MED14: variants seen among roughly 807,000 people sequenced by gnomAD.
MED14 encodes mediator of RNA polymerase II transcription subunit 14.
Under a neutral mutation model 109.0 loss-of-function variants are expected in MED14, and 8 were observed. The ratio of observed to expected loss-of-function variants is 0.07; its 90% CI spans 0.04 to 0.13. The LOEUF is 0.13. Among genes scored for constraint, MED14 ranks in the 10% least tolerant of loss-of-function variants. The pLI, the probability that MED14 is intolerant of heterozygous loss-of-function variation, is 1.00. For synonymous variants in MED14, 399 were observed against 408.7 expected, an observed-to-expected ratio of 0.98 and a Z score of 0.29; for missense variants, 711 against 1,142.4, an observed-to-expected ratio of 0.62 and a Z score of 5.44.
At chrX:40,682,812 G>C in intron 17 of MED14, 24 bp downstream of exon 17, 1 of 1,208,714 alleles carries the variant, frequency 8.3e-7, no homozygotes, top group Non-Finnish European at 1.1e-6. Flanking sequence ...AATATGCAAA[G>C]ACAAAATGTG....
At chrX:40,717,829 T>C (rs1478744464) in intron 3 of MED14, among the ~76,000 whole-genome samples, 1 of 112,623 alleles carries the variant, frequency 8.9e-6, no homozygotes, top group Non-Finnish European at 1.9e-5. Flanking sequence ...GGCCATCTTC[T>C]AGTTCTATTC....
intron 12 of MED14, 79 bp from the exon 13 acceptor site, chrX:40,697,262 A>G: frequency 1.8e-6 from 1 of 560,799 alleles, no homozygotes; most frequent in Non-Finnish European, 2.8e-6. Context: ...CAAATGATTA[A>G]AGACCATTAA....
intron 23 of MED14, among the ~76,000 whole-genome samples, chrX:40,668,928 AAG>A (rs1455593657): frequency 8.9e-6 from 1 of 111,928 alleles, no homozygotes; most frequent in African/African-American, 3.3e-5. Flanking sequence ...GGAGAGCAAT[AAG>A]AGGGGGGACT....
At chrX:40,682,506 T>C (rs1416041976) in intron 18 of MED14, 97 bp downstream of exon 18, 13 of 693,555 alleles carry the variant, frequency 1.9e-5, no homozygotes, top group Non-Finnish European at 2.7e-5. Context: ...TTTGATTTTT[T>C]TGCTTGGAAC....
chrX:40,682,741 G>A lies in MED14; in HGVS notation c.2227C>T (p.Arg743Trp). Residue 743 changes from arginine (R) to tryptophan (W), a missense_variant, in exon 18 of 31, where the codon CGG becomes TGG. By Grantham distance (101) the Arg-to-Trp change is moderately radical. This residue lies in a region of MED14 where 388 missense variants were observed against 517.3 expected (regional missense o/e 0.75). Coordinates refer to ENST00000324817, the MANE Select transcript of MED14 (RefSeq NM_004229.4). The stretch of plus-strand genomic sequence containing the variant: ...TTTTCATATGTCAGGTAAACGTGCC[G>A]GGATGGTCCTACAGGATTAAAAGAG... ...GTSTREQGPS[R>W]HVYLTYENLL... is the part of the protein sequence containing the mutation. 1.9e-5 allele frequency: 23 copies of A among 1,207,309 alleles called. No homozygotes were observed. Among genetic ancestry groups the A allele is most frequent in the Non-Finnish European group, 2.6e-5 (23 of 892,559 alleles).
intron 1 of MED14, among the ~76,000 whole-genome samples, chrX:40,734,060 T>C (rs1377618278): frequency 2.7e-5 from 3 of 112,180 alleles, no homozygotes; most frequent in Non-Finnish European, 5.6e-5. Flanking sequence ...ACACCACCGA[T>C]AGCAGCAGTT....
At chrX:40,681,411 G>GA (rs201882286) in intron 19 of MED14, among the ~76,000 whole-genome samples, 4 of 110,201 alleles carry the variant, frequency 3.6e-5, no homozygotes, top group Non-Finnish European at 5.7e-5. Context: ...TATGAGGTGG[G>GA]AAAAAAAATA....
chrX:40,686,916 A>G (rs1278805917), intron 16 of MED14, among the ~76,000 whole-genome samples: 1 of 110,555 alleles, frequency 9.0e-6, no homozygotes, highest in Non-Finnish European at 1.9e-5. Flanking sequence ...CATGTACCAC[A>G]TTAGCTTTAC....
intron 28 of MED14, among the ~76,000 whole-genome samples, chrX:40,657,277 T>A (rs1929085497): frequency 8.9e-6 from 1 of 111,756 alleles, no homozygotes; most frequent in Admixed American, 9.5e-5. Flanking sequence ...ATGAATATGA[T>A]CTTATCTGAA....
intron 3 of MED14, among the ~76,000 whole-genome samples, chrX:40,716,496 G>C (rs1931525522): frequency 9.2e-6 from 1 of 108,252 alleles, no homozygotes; most frequent in African/African-American, 3.4e-5. Context: ...ACAGCTACTA[G>C]GGAGGATCAC....
chrX:40,723,408 G>A (rs1931785604), intron 3 of MED14, among the ~76,000 whole-genome samples: 1 of 111,170 alleles, frequency 9.0e-6, no homozygotes, highest in Non-Finnish European at 1.9e-5. Flanking sequence ...GCTCACGCCT[G>A]TAATCCCAGC....
intron 15 of MED14, 85 bp downstream of exon 15, chrX:40,692,098 A>C: frequency 1.1e-6 from 1 of 892,174 alleles, no homozygotes; most frequent in Non-Finnish European, 1.6e-6. Context: ...TGCTTTTCCT[A>C]ATGGAATCTA....
In MED14 at chrX:40,697,110, G is replaced by A; in HGVS notation, c.1564C>T (p.Leu522Phe). Residue 522 changes from leucine (L) to phenylalanine (F), a missense_variant, in exon 13 of 31, where the codon CTT (leucine) becomes TTT (phenylalanine). This residue lies in a region of MED14 where 388 missense variants were observed against 517.3 expected (regional missense o/e 0.75). Coordinates refer to ENST00000324817, the MANE Select transcript of MED14 (RefSeq NM_004229.4). ...ATAGGATGAGTTGAGTAATTGGAAA[G>A]CTGCAATGTTTCACTGCTTATCGTA... ...LPTISSETLQ[L>F]SNYSTHPIGN... 1.7e-6 allele frequency: 2 copies of A among 1,192,900 alleles called. No individual in the cohort carries two copies. The highest frequency in any genetic ancestry group is 2.3e-6 in the Non-Finnish European group (2 of 878,503).
Position 40,682,601 on chromosome X carries a change from A to G in MED14, c.2365+2T>C. ...TAAAAAGGAGATTATCTCCACACGT[A>G]CCTGGTAGAGAACGTGCAAATTCCA... On this transcript the variant is annotated splice_donor_variant, in intron 18 of 30. Transcript: ENST00000324817. LOFTEE classifies it high-confidence loss of function. The G allele has an allele frequency of 8.6e-7, 1 of 1,159,565 alleles. No homozygotes were observed. Among genetic ancestry groups the G allele is most frequent in the South Asian group, 2.0e-5 (1 of 51,099 alleles).
rs932037585 is a variant in MED14 at position 40,692,435 on chromosome X, T to G, written c.1846-118A>C. 59 of 581,638 alleles carry G rather than the reference T, an allele frequency of 1.0e-4. No homozygotes were observed. In the Middle Eastern group the frequency reaches 3.0e-3, roughly 30 times the overall value. The allele number at this position is 581,638 out of a possible 1,213,427, so 47.9% of individuals were successfully genotyped here. A position where few individuals can be genotyped will look rare whatever the true frequency, so the allele number is the denominator to read the frequency against. ...GCTCAGGGTTAACCAAAACAAATGT[T>G]ATTGTATTTACTGAGTAAATACTGA... On this transcript the variant is annotated intron_variant, in intron 14 of 30. Transcript: ENST00000324817.
At chrX:40,703,091 A>G (rs1931014062) in intron 11 of MED14, among the ~76,000 whole-genome samples, 1 of 112,456 alleles carries the variant, frequency 8.9e-6, no homozygotes, top group Admixed American at 9.4e-5. Context: ...TTCAGCCACA[A>G]ATGACATTAG....
intron 3 of MED14, among the ~76,000 whole-genome samples, chrX:40,715,904 G>A (rs1188422381): frequency 9.2e-6 from 1 of 108,223 alleles, no homozygotes; most frequent in African/African-American, 3.4e-5. Context: ...AGTGTGAAGA[G>A]ACCACCCACA....
chrX:40,686,521 C>T (rs1292022016), intron 16 of MED14, among the ~76,000 whole-genome samples: 1 of 111,625 alleles, frequency 9.0e-6, no homozygotes, highest in Non-Finnish European at 1.9e-5. Context: ...CTCTCTCTCT[C>T]CTGAAAACGT....
chrX:40,712,799 A>G, intron 6 of MED14, 115 bp downstream of exon 6: 2 of 805,913 alleles, frequency 2.5e-6, no homozygotes, highest in Non-Finnish European at 3.4e-6. Context: ...TTGGCCTCCC[A>G]AAGTAGTGGG....
Sources: gnomAD v4.1 joint callset for allele counts (sites outside exome capture counted in the v4.1 genomes callset) on GRCh38, gnomAD v4.1.1 for gene constraint, gnomAD v4.1.1 regional missense constraint, MANE v1.5 for transcripts, NCBI Gene and HGNC (gene_info 2026-07-23, HGNC 2026-07-21) for gene names.